TACC1: variants seen among roughly 807,000 people sequenced by gnomAD.
TACC1 encodes the protein transforming acidic coiled-coil-containing protein 1.
TACC1 carries 48 observed loss-of-function variants against 84.4 expected under a neutral mutation model. The observed-to-expected ratio is 0.57, with a 90% CI of 0.45 to 0.72. The LOEUF (loss-of-function observed/expected upper bound fraction) is 0.72. TACC1 is among the 30% of genes least tolerant of loss of function. The pLI is 0.00. For missense variants in TACC1, 920 were observed against 973.0 expected, an observed-to-expected ratio of 0.95 and a Z score of 0.72; for synonymous variants, 372 against 376.3, an observed-to-expected ratio of 0.99 and a Z score of 0.13.
intron 3 of TACC1, among the ~76,000 whole-genome samples, chr8:38,766,164 T>A (rs1193563867): frequency 6.6e-6 from 1 of 152,244 alleles, no homozygotes; most frequent in African/African-American, 2.4e-5. Context: ...TTGGTACCCT[T>A]GATGAGTGAC....
chr8:38,846,471 G>T, intron 11 of TACC1: 17 of 392,746 alleles, frequency 4.3e-5, no homozygotes, highest in East Asian at 9.8e-5. Flanking sequence ...GACTGTTATA[G>T]AAACCATTTG....
At chr8:38,789,849 T>A (rs1375057332) in intron 2 of TACC1, among the ~76,000 whole-genome samples, 1 of 152,186 alleles carries the variant, frequency 6.6e-6, no homozygotes, top group Non-Finnish European at 1.5e-5. Context: ...CAGTGTGGAC[T>A]GACTACTCAG....
chr8:38,840,395 A>AC, intron 9 of TACC1, 128 bp downstream of exon 9: 1 of 804,960 alleles, frequency 1.2e-6, no homozygotes, highest in Non-Finnish European at 2.0e-6. Flanking sequence ...AGCTCTGGAG[A>AC]CAGGAGAGTT....
intron 9 of TACC1, among the ~76,000 whole-genome samples, chr8:38,842,074 C>G (rs1032160264): frequency 6.6e-5 from 10 of 152,096 alleles, no homozygotes; most frequent in Non-Finnish European, 1.2e-4. Context: ...TGTACAGTAA[C>G]AGCCCCCTCC....
At chr8:38,840,350 A>C in intron 9 of TACC1, 83 bp downstream of exon 9, 1 of 1,243,756 alleles carries the variant, frequency 8.0e-7, no homozygotes, top group Non-Finnish European at 1.2e-6. Flanking sequence ...AAAATATGTA[A>C]GCTAGGTAGC....
chr8:38,777,126 C>T lies in TACC1; in HGVS notation c.27-11578C>T, dbSNP rs879703724. Among the ~76,000 whole-genome samples the T allele has an allele frequency of 4.7e-4, 72 of 151,946 alleles. 1 individual carries two copies. Among genetic ancestry groups the T allele is most frequent in the Admixed American group, 7.2e-4 (11 of 15,276 alleles). On this transcript the variant is annotated intron_variant, in intron 3 of 14. Coordinates refer to the TACC1 transcript ENST00000518415. ...CAAAAATCAGCTGGGTGTGGTGGCACGAGCCTGTAATCCCAGCCACTCTGG... is the reference window on the plus strand; with the variant it reads ...CAAAAATCAGCTGGGTGTGGTGGCATGAGCCTGTAATCCCAGCCACTCTGG...
In TACC1 at chr8:38,735,605, C is replaced by G. The variant is rs560300378; in HGVS notation, c.-674-6746C>G. Among the ~76,000 whole-genome samples, 21 of 152,260 alleles carry G rather than the reference C, an allele frequency of 1.4e-4. No individual in the cohort carries two copies. The East Asian group carries it at 2.5e-3, about 18-fold the overall frequency. On this transcript the variant is annotated intron_variant, in intron 1 of 14. Transcript: ENST00000518415. Reference sequence around the variant, plus strand: ...GCCAGGACTCCTGTCAGCAACCACCCCCTGCACTCAGCTCTCTCCCCTGAC... The same window carrying G: ...GCCAGGACTCCTGTCAGCAACCACCGCCTGCACTCAGCTCTCTCCCCTGAC...
chr8:38,734,641 C>T (rs757695657), intron 1 of TACC1, among the ~76,000 whole-genome samples: 50 of 152,242 alleles, frequency 3.3e-4, no homozygotes, highest in South Asian at 2.1e-4. Context: ...TCTCCTGGCC[C>T]TTGGAACTTT....
chr8:38,829,606 C>T (rs1342119758), intron 5 of TACC1, among the ~76,000 whole-genome samples: 1 of 152,158 alleles, frequency 6.6e-6, no homozygotes. Context: ...ATATTATAAA[C>T]TTACTGAGGT....
chr8:38,814,718 A>T (rs925513611), intron 2 of TACC1, among the ~76,000 whole-genome samples: 1 of 152,252 alleles, frequency 6.6e-6, no homozygotes, highest in Non-Finnish European at 1.5e-5. Flanking sequence ...TGTTTCAAAA[A>T]TAAATGGAAA....
chr8:38,787,613 C>G lies in TACC1; in HGVS notation c.31C>G (p.Pro11Ala), dbSNP rs765589217. The change falls in exon 1 of 13, where the codon CCC becomes GCC. Residue 11 changes from proline to alanine, a missense_variant. Coordinates refer to ENST00000317827, the MANE Select transcript of TACC1 (RefSeq NM_006283.3). ...GTTCAGCCCGTGGCAGATCCTGTCC[C>G]CCGTGCAGTGGGCGAAATGGACGTG... MAFSPWQILS[P>A]VQWAKWTWSA... 9.1e-6 allele frequency: 14 copies of G among 1,546,138 alleles called. No homozygotes were observed. The East Asian group carries it at 1.3e-4, about 14-fold the overall frequency.
At chr8:38,794,554 GTGTT>G (rs199780012) in intron 2 of TACC1, among the ~76,000 whole-genome samples, 1,588 of 131,014 alleles carry the variant, frequency 0.012, 26 homozygotes, top group East Asian at 0.083. Flanking sequence ...ACGTGTGTGT[GTGTT>G]TGTTTGTGTG....
intron 3 of TACC1, among the ~76,000 whole-genome samples, chr8:38,751,198 G>A (rs201164946): frequency 1.3e-5 from 2 of 149,960 alleles, no homozygotes; most frequent in Non-Finnish European, 3.0e-5. Context: ...ATTGCTAAGG[G>A]AAAAAAAAAA....
intron 3 of TACC1, among the ~76,000 whole-genome samples, chr8:38,748,190 T>C (rs1046339952): frequency 2.0e-5 from 3 of 151,912 alleles, no homozygotes; most frequent in African/African-American, 7.3e-5. Context: ...AAAAATAGAT[T>C]TCTAAAAAAA....
intron 2 of TACC1, among the ~76,000 whole-genome samples, chr8:38,819,215 A>G (rs1359941949): frequency 2.6e-5 from 4 of 152,262 alleles, no homozygotes; most frequent in Non-Finnish European, 5.9e-5. Flanking sequence ...TGTTAACATC[A>G]CATAATAATA....
At chr8:38,748,296 T>G in intron 3 of TACC1, among the ~76,000 whole-genome samples, 1 of 152,220 alleles carries the variant, frequency 6.6e-6, no homozygotes, top group East Asian at 1.9e-4. Flanking sequence ...TGCCTAATAA[T>G]AGTCTCAAAT....
At chr8:38,756,643 A>T (rs976197663) in intron 3 of TACC1, among the ~76,000 whole-genome samples, 1 of 152,230 alleles carries the variant, frequency 6.6e-6, no homozygotes, top group African/African-American at 2.4e-5. Context: ...TAAAAGCTAA[A>T]GATGAACATA....
At chr8:38,829,837 T>C (rs1328677870) in intron 5 of TACC1, among the ~76,000 whole-genome samples, 1 of 152,174 alleles carries the variant, frequency 6.6e-6, no homozygotes, top group African/African-American at 2.4e-5. Flanking sequence ...CACAAGCAAG[T>C]GGAGGCTGCG....
intron 6 of TACC1, among the ~76,000 whole-genome samples, chr8:38,834,065 C>T (rs945999834): frequency 3.3e-5 from 5 of 152,278 alleles, no homozygotes; most frequent in African/African-American, 7.2e-5. Context: ...TACTCCAACA[C>T]TTAAAGCAAG....
Sources: gnomAD v4.1 joint callset for allele counts (sites outside exome capture counted in the v4.1 genomes callset) on GRCh38, gnomAD v4.1.1 for gene constraint, MANE v1.5 for transcripts, NCBI Gene and HGNC (gene_info 2026-07-23, HGNC 2026-07-21) for gene names.